RBFOX1: variants seen among roughly 807,000 people sequenced by gnomAD.
RBFOX1 encodes RNA binding fox-1 homolog 1, also known as RNA binding protein fox-1 homolog 1.
A neutral mutation model predicts 57.7 loss-of-function variants in RBFOX1; 8 were observed. The ratio of observed to expected loss-of-function variants is 0.14; its 90% CI spans 0.08 to 0.25. The LOEUF is 0.25. RBFOX1 is among the 10% of genes least tolerant of loss of function. The pLI is 1.00. For missense variants in RBFOX1, 611 were observed against 548.5 expected, an observed-to-expected ratio of 1.11 and a Z score of -1.14; for synonymous variants, 326 against 222.4, an observed-to-expected ratio of 1.47 and a Z score of -4.15.
At chr16:6,058,054 G>T (rs1292746212) in intron 1 of RBFOX1, among the ~76,000 whole-genome samples, 7 of 152,034 alleles carry the variant, frequency 4.6e-5, no homozygotes, top group Admixed American at 4.6e-4. Context: ...AAAGGAGGCA[G>T]TGCCAAAGGA....
At chr16:6,755,942 C>T (rs11647704) in intron 3 of RBFOX1, among the ~76,000 whole-genome samples, 45 of 152,078 alleles carry the variant, frequency 3.0e-4, no homozygotes, top group Middle Eastern at 3.4e-3. Flanking sequence ...GTGTTAAGAC[C>T]GAAAGGGACC....
chr16:7,102,674 A>G (rs1229223041), intron 4 of RBFOX1, among the ~76,000 whole-genome samples: 3 of 152,186 alleles, frequency 2.0e-5, no homozygotes. Context: ...ATTTCTCGCT[A>G]ATCTTGCACA....
intron 4 of RBFOX1, among the ~76,000 whole-genome samples, chr16:7,210,083 C>A (rs2090821605): frequency 6.6e-6 from 1 of 152,166 alleles, no homozygotes; most frequent in Admixed American, 6.5e-5. Context: ...CAATGAAGTG[C>A]ATCTTTGCAG....
chr16:6,931,340 TAC>T (rs1555640313), intron 3 of RBFOX1, among the ~76,000 whole-genome samples: 1,293 of 106,858 alleles, frequency 0.012, 7 homozygotes, highest in Non-Finnish European at 0.02. Context: ...TATCTATCTC[TAC>T]ACACACACAC....
chr16:6,602,050 C>G (rs1385980411), intron 2 of RBFOX1, among the ~76,000 whole-genome samples: 1 of 152,110 alleles, frequency 6.6e-6, no homozygotes, highest in Non-Finnish European at 1.5e-5. Context: ...CAAAGGCGTC[C>G]TATTTCTCTC....
intron 3 of RBFOX1, among the ~76,000 whole-genome samples, chr16:6,844,333 C>G (rs888254111): frequency 2.0e-5 from 3 of 152,178 alleles, no homozygotes; most frequent in East Asian, 1.9e-4. Context: ...ATTAGGTATT[C>G]TTTCTGATGC....
chr16:6,892,694 A>G (rs2065758953), intron 3 of RBFOX1, among the ~76,000 whole-genome samples: 1 of 152,070 alleles, frequency 6.6e-6, no homozygotes, highest in African/African-American at 2.4e-5. Context: ...AAAGCCTGAG[A>G]GTGAAGTACA....
chr16:7,352,975 C>T (rs949955151), intron 4 of RBFOX1, among the ~76,000 whole-genome samples: 1 of 152,076 alleles, frequency 6.6e-6, no homozygotes, highest in African/African-American at 2.4e-5. Flanking sequence ...CTTGGCCTCC[C>T]AAAGTGCTGA....
chr16:7,133,973 G>C (rs746244101), intron 4 of RBFOX1, among the ~76,000 whole-genome samples: 2 of 152,166 alleles, frequency 1.3e-5, no homozygotes, highest in African/African-American at 2.4e-5. Context: ...GATAACATTA[G>C]GCTCTGCGGC....
At chr16:5,371,217 G>A (rs1173581764) in intron 1 of RBFOX1, among the ~76,000 whole-genome samples, 12 of 152,208 alleles carry the variant, frequency 7.9e-5, no homozygotes, top group African/African-American at 2.9e-4. Context: ...CACAGAACTG[G>A]GATTACAGGC....
At chr16:6,346,119 A>G (rs988981680) in intron 2 of RBFOX1, among the ~76,000 whole-genome samples, 2 of 152,146 alleles carry the variant, frequency 1.3e-5, no homozygotes, top group Admixed American at 1.3e-4. Context: ...GGCCCTAAGC[A>G]TTTCCCAGCT....
In RBFOX1 at chr16:6,811,661, G is replaced by T. The variant is rs564254157; in HGVS notation, c.-16+157011G>T. 2.6e-5 allele frequency among the ~76,000 whole-genome samples: 4 copies of T among 152,150 alleles called. No homozygotes were observed. In the East Asian group the frequency reaches 7.7e-4, roughly 29 times the overall value. ...TCCTAGCACTTTGGGAGGCTAAGGC[G>T]GGTAGATCATCTGAAGTCAGGAGTT... On this transcript the variant is annotated intron_variant, in intron 3 of 15. Transcript: ENST00000550418.
intron 3 of RBFOX1, among the ~76,000 whole-genome samples, chr16:5,678,612 C>G (rs1487715493): frequency 6.6e-6 from 1 of 152,120 alleles, no homozygotes; most frequent in Non-Finnish European, 1.5e-5. Flanking sequence ...GGTGCTTGAG[C>G]CCGTCCCACA....
intron 3 of RBFOX1, among the ~76,000 whole-genome samples, chr16:6,981,976 A>G (rs747634938): frequency 8.5e-5 from 13 of 152,236 alleles, no homozygotes; most frequent in Admixed American, 3.9e-4. Context: ...GAAAATACAA[A>G]TAAGCCTCCA....
At chr16:7,187,437 C>G (rs1024589565) in intron 4 of RBFOX1, among the ~76,000 whole-genome samples, 1 of 151,724 alleles carries the variant, frequency 6.6e-6, no homozygotes, top group African/African-American at 2.4e-5. Flanking sequence ...CGCCTGTAAT[C>G]CCAGCACTTT....
chr16:6,757,958 C>A (rs72766719), intron 3 of RBFOX1, among the ~76,000 whole-genome samples: 2 of 152,030 alleles, frequency 1.3e-5, no homozygotes, highest in Admixed American at 1.3e-4. Context: ...ACAATTACAA[C>A]AACATCCAGG....
intron 2 of RBFOX1, among the ~76,000 whole-genome samples, chr16:6,569,638 G>A (rs991849019): frequency 6.6e-6 from 1 of 152,210 alleles, no homozygotes; most frequent in Non-Finnish European, 1.5e-5. Context: ...CATGGGCTCT[G>A]TCAACCTTTC....
In RBFOX1 at chr16:5,609,261, A is replaced by G. The variant is rs1476458925; in HGVS notation, c.318+10300A>G. Among the ~76,000 whole-genome samples the G allele has an allele frequency of 2.0e-5, 3 of 152,190 alleles. No individual in the cohort carries two copies. In the East Asian group the frequency reaches 5.8e-4, roughly 29 times the overall value. ...TTCATTACCCGAATTGGTAGATGCT[A>G]TCTCATTTTACAGAAAGGAGAGCTG... On this transcript the variant is annotated intron_variant, in intron 3 of 19. Coordinates refer to the RBFOX1 transcript ENST00000641259.
chr16:5,867,247 ATC>A, intron 3 of RBFOX1: 1 of 1,125,694 alleles, frequency 8.9e-7, no homozygotes, highest in Non-Finnish European at 1.1e-6. Context: ...AAGACAATTA[ATC>A]CAATTACCTT....
Sources: gnomAD v4.1 joint callset for allele counts (sites outside exome capture counted in the v4.1 genomes callset) on GRCh38, gnomAD v4.1.1 for gene constraint, MANE v1.5 for transcripts, NCBI Gene and HGNC (gene_info 2026-07-23, HGNC 2026-07-21) for gene names.